The following ARHGAP22 variants were observed in gnomAD, a reference collection of about 807,000 sequenced individuals.
The protein encoded by ARHGAP22 is Rho GTPase activating protein 22.
ARHGAP22 carries 48 observed loss-of-function variants against 59.1 expected under a neutral mutation model. The ratio of observed to expected loss-of-function variants is 0.81; its 90% CI spans 0.64 to 1.03. The LOEUF is 1.03. Among genes scored for constraint, ARHGAP22 ranks in the 50% least tolerant of loss-of-function variants. The pLI, the probability that ARHGAP22 is intolerant of heterozygous loss-of-function variation, is 0.00. For synonymous variants in ARHGAP22, 445 were observed against 416.4 expected (o/e 1.07, Z -0.84); for missense variants, 1,015 against 958.7 (o/e 1.06, Z -0.78).
At chr10:48,609,811 C>T (rs77822411), upstream of ARHGAP22, among the ~76,000 whole-genome samples, 25 of 152,290 alleles carry the variant, frequency 1.6e-4, no homozygotes, top group African/African-American at 2.6e-4. Context: ...TAGAGGAGTA[C>T]GAGTTTTTCC....
chr10:48,563,187 A>ATTTTTTTTTTTTTTT lies in ARHGAP22; in HGVS notation c.235-7652_235-7638dup, dbSNP rs558735630. On this transcript the variant is annotated intron_variant, in intron 2 of 9. Transcript: ENST00000249601. ...AGATCCACTTGGATAATCCAGGATA[A>ATTTTTTTTTTTTTTT]TTTTTTTTTTTTTTTTTTTTTTTTG... is the stretch of plus-strand genomic sequence containing the variant. Among the ~76,000 whole-genome samples the ATTTTTTTTTTTTTTT allele has an allele frequency of 8.6e-5, 9 of 104,212 alleles. 1 individual carries two copies. Among genetic ancestry groups the ATTTTTTTTTTTTTTT allele is most frequent in the Non-Finnish European group, 1.5e-4 (8 of 54,514 alleles). The allele number at this position is 104,212 out of a possible 152,430, so 68.4% of individuals were successfully genotyped here. A position where few individuals can be genotyped will look rare whatever the true frequency, so the allele number is the denominator to read the frequency against.
At chr10:48,547,148 C>T (rs754077420) in intron 3 of ARHGAP22, among the ~76,000 whole-genome samples, 3 of 152,228 alleles carry the variant, frequency 2.0e-5, no homozygotes, top group Non-Finnish European at 2.9e-5. Context: ...AGGAAGATGG[C>T]TCCCAGGCTT....
upstream of ARHGAP22, chr10:48,656,244 C>G (rs2062801345): frequency 7.2e-6 from 1 of 139,092 alleles, no homozygotes; most frequent in Non-Finnish European, 1.5e-5. Flanking sequence ...CAGGACGGAG[C>G]TCCCGGCTGC....
In ARHGAP22 at chr10:48,522,017, G is replaced by A. The variant is rs188263056; in HGVS notation, c.322+33446C>T. Among the ~76,000 whole-genome samples the A allele has an allele frequency of 2.6e-5, 4 of 152,308 alleles. No homozygotes were observed. In the East Asian group the frequency reaches 5.8e-4, roughly 22 times the overall value. ...TTGTGAACAATGGTTCAGACTGTCC[G>A]CCACCCAGCCAGACTGGCCACATGG... On this transcript the variant is annotated intron_variant, in intron 3 of 9. Coordinates refer to ENST00000249601, the MANE Select transcript of ARHGAP22 (RefSeq NM_021226.4).
At chr10:48,643,522 A>G (rs992504115) in intron 1 of ARHGAP22, among the ~76,000 whole-genome samples, 11 of 150,372 alleles carry the variant, frequency 7.3e-5, no homozygotes, top group Admixed American at 3.3e-4. Flanking sequence ...CAAACATCGC[A>G]TGTTCTCACT....
chr10:48,511,410 A>G (rs2052751713), intron 3 of ARHGAP22: 1 of 152,164 alleles, frequency 6.6e-6, no homozygotes, highest in African/African-American at 2.4e-5. Context: ...CTGCACCCTC[A>G]ACTCCCAAGG....
At chr10:48,439,365 G>A in the ARHGAP22 span, 2 of 151,376 alleles carry the variant, frequency 1.3e-5, no homozygotes, top group South Asian at 2.1e-4. Flanking sequence ...ATGAAATTAA[G>A]AGTTTTTTCA....
chr10:48,554,962 G>A (rs1247168967), intron 3 of ARHGAP22, among the ~76,000 whole-genome samples: 1 of 152,184 alleles, frequency 6.6e-6, no homozygotes, highest in East Asian at 1.9e-4. Context: ...TTTACTTAGT[G>A]CATTAACAAC....
At chr10:48,635,170 C>T (rs867821517) in intron 1 of ARHGAP22, among the ~76,000 whole-genome samples, 1 of 152,080 alleles carries the variant, frequency 6.6e-6, no homozygotes, top group Non-Finnish European at 1.5e-5. Flanking sequence ...CTGGGTCCAC[C>T]GTGAATGAAG....
chr10:48,477,811 C>T (rs76819997), intron 4 of ARHGAP22, among the ~76,000 whole-genome samples: 7,146 of 152,248 alleles, frequency 0.047, 573 homozygotes, highest in African/African-American at 0.16. Context: ...CTCTTGCCCA[C>T]GCTTCTGCTG....
chr10:48,500,942 C>A (rs969684101), intron 3 of ARHGAP22, among the ~76,000 whole-genome samples: 47 of 151,028 alleles, frequency 3.1e-4, no homozygotes, highest in Non-Finnish European at 6.0e-4. Context: ...ATAAAAGTGC[C>A]AGGCTCAACC....
At chr10:48,521,955 G>A (rs1240082817) in intron 3 of ARHGAP22, among the ~76,000 whole-genome samples, 1 of 152,200 alleles carries the variant, frequency 6.6e-6, no homozygotes, top group Non-Finnish European at 1.5e-5. Context: ...AAGATTATTT[G>A]ACCAAATAAC....
chr10:48,607,962 T>C (rs1243787138), upstream of ARHGAP22, among the ~76,000 whole-genome samples: 3 of 152,212 alleles, frequency 2.0e-5, no homozygotes, highest in Non-Finnish European at 2.9e-5. Flanking sequence ...AGAGCCAGGA[T>C]ACCTTCAAAA....
At chr10:48,637,854 C>T (rs2061886973) in intron 1 of ARHGAP22, among the ~76,000 whole-genome samples, 1 of 152,208 alleles carries the variant, frequency 6.6e-6, no homozygotes, top group Admixed American at 6.5e-5. Context: ...CTCCATCCTC[C>T]TCGCTGCTAA....
chr10:48,612,075 C>A (rs2060917263), intron 1 of ARHGAP22, among the ~76,000 whole-genome samples: 1 of 151,802 alleles, frequency 6.6e-6, no homozygotes, highest in Non-Finnish European at 1.5e-5. Context: ...CCTGCCTTGG[C>A]CTCCCAAAGT....
chr10:48,483,774 G>A (rs1051127511), intron 3 of ARHGAP22, among the ~76,000 whole-genome samples: 1 of 151,986 alleles, frequency 6.6e-6, no homozygotes, highest in Non-Finnish European at 1.5e-5. Flanking sequence ...CTGGATATTC[G>A]TTTCTTGTCA....
intron 1 of ARHGAP22, among the ~76,000 whole-genome samples, chr10:48,641,374 T>C (rs2062038454): frequency 6.6e-6 from 1 of 152,052 alleles, no homozygotes; most frequent in South Asian, 2.1e-4. Context: ...CACAAACTGG[T>C]TAAAAGAAAA....
intron 1 of ARHGAP22, among the ~76,000 whole-genome samples, chr10:48,603,665 C>T (rs2060515373): frequency 6.6e-6 from 1 of 152,234 alleles, no homozygotes; most frequent in South Asian, 2.1e-4. Flanking sequence ...TTGCCCCCTC[C>T]TCAGCAGAGC....
intron 2 of ARHGAP22, among the ~76,000 whole-genome samples, chr10:48,579,376 G>A (rs2058968340): frequency 6.6e-6 from 1 of 152,242 alleles, no homozygotes; most frequent in Admixed American, 6.5e-5. Flanking sequence ...AAATCACTAA[G>A]GTTTAAAAAA....
Sources: allele counts gnomAD v4.1 joint callset (sites outside exome capture counted in the v4.1 genomes callset), GRCh38; gene constraint gnomAD v4.1.1; transcripts MANE v1.5; gene names NCBI Gene and HGNC (gene_info 2026-07-23, HGNC 2026-07-21).